The following CDYL2 variants were observed in gnomAD, a reference collection of about 807,000 sequenced individuals.
CDYL2 encodes the protein chromodomain Y-like protein 2.
CDYL2 carries 23 observed loss-of-function variants against 49.4 expected under a neutral mutation model. The ratio of observed to expected loss-of-function variants is 0.47; its 90% confidence interval spans 0.34 to 0.66. CDYL2 has a LOEUF of 0.66. Ranked by LOEUF, CDYL2 falls within the 30% of genes least tolerant of loss-of-function variation. The pLI is 0.01. For synonymous variants in CDYL2, 360 were observed against 268.8 expected (o/e 1.34, Z -3.32); for missense variants, 678 against 656.4 (o/e 1.03, Z -0.36).
intron 1 of CDYL2, among the ~76,000 whole-genome samples, chr16:80,799,064 G>T (rs913204697): frequency 1.3e-5 from 2 of 151,444 alleles, no homozygotes; most frequent in African/African-American, 2.4e-5. Flanking sequence ...AATAAAATAG[G>T]TTACAAAGAA....
intron 2 of CDYL2, among the ~76,000 whole-genome samples, chr16:80,671,253 G>A (rs528700156): frequency 6.6e-6 from 1 of 152,296 alleles, no homozygotes; most frequent in East Asian, 1.9e-4. Flanking sequence ...GTTTAAAGAG[G>A]GTGGTACAGA....
At chr16:80,620,317 C>T (rs907833775) in intron 4 of CDYL2, among the ~76,000 whole-genome samples, 2 of 152,160 alleles carry the variant, frequency 1.3e-5, no homozygotes, top group African/African-American at 4.8e-5. Flanking sequence ...CCCAGGGAAC[C>T]CCTCCATCAA....
At chr16:80,685,997 C>G (rs1458313393) in intron 1 of CDYL2, among the ~76,000 whole-genome samples, 1 of 152,216 alleles carries the variant, frequency 6.6e-6, no homozygotes, top group Admixed American at 6.5e-5. Flanking sequence ...TGCTGAGTAC[C>G]TACTATGCAC....
At chr16:80,639,858 T>G in intron 2 of CDYL2, 2 of 378,358 alleles carry the variant, frequency 5.3e-6, no homozygotes, top group Non-Finnish European at 1.0e-5. Flanking sequence ...TGTCCTGTTA[T>G]AGCAGAAAGC....
chr16:80,753,838 TA>T (rs1056837895), intron 1 of CDYL2, among the ~76,000 whole-genome samples: 1 of 152,128 alleles, frequency 6.6e-6, no homozygotes, highest in Non-Finnish European at 1.5e-5. Flanking sequence ...ATTAAAAGAA[TA>T]AAAAAAGACA....
In CDYL2 at chr16:80,633,038, T is replaced by C. The variant is rs762047020; in HGVS notation, c.815A>G (p.Asn272Ser). The C allele has an allele frequency of 6.2e-7, 1 of 1,614,026 alleles. No homozygotes were observed. The highest frequency in any genetic ancestry group is 8.5e-7 in the Non-Finnish European group (1 of 1,179,984). Residue 272 changes from asparagine (N) to serine (S), a missense_variant, in exon 3 of 7, where the codon AAC becomes AGC. Asn to Ser is a conservative substitution (Grantham distance 46). Coordinates refer to ENST00000570137, the MANE Select transcript of CDYL2 (RefSeq NM_152342.4). ...CCTTACCTCAGGTGTCAGGGCATTG[T>C]TATCCGAGGTCTGACTGGACAGCAG... ...HILLSSQTSD[N>S]NALTPEIMKE...
intron 2 of CDYL2, among the ~76,000 whole-genome samples, chr16:80,682,162 C>T (rs1367001398): frequency 6.6e-6 from 1 of 152,144 alleles, no homozygotes; most frequent in African/African-American, 2.4e-5. Context: ...GTGCCTTAAC[C>T]TTACGGGCAC....
intron 1 of CDYL2, among the ~76,000 whole-genome samples, chr16:80,699,912 G>A (rs1184369610): frequency 6.7e-6 from 1 of 149,728 alleles, no homozygotes; most frequent in African/African-American, 2.5e-5. Context: ...CTGTCGCCCA[G>A]GCCGGAGTGC....
Position 80,804,183 on chromosome 16 carries a change from C to T in CDYL2, c.-10G>A, listed in dbSNP as rs1426460358. 7.6e-7 allele frequency: 1 copy of T among 1,323,344 alleles called. No homozygotes were observed. The highest frequency in any genetic ancestry group is 9.9e-7 in the Non-Finnish European group (1 of 1,008,002). 82.0% of individuals were successfully genotyped at this position (1,323,344 alleles called of 1,614,324 possible). A position where few individuals can be genotyped will look rare whatever the true frequency, so the allele number is the denominator to read the frequency against. ...GGTCCCCAGAAGCCATGCCAGGCTG[C>T]GGAACTTGGCTCGCCGGTGTGCGCG... On this transcript the variant is annotated 5_prime_UTR_variant, in exon 1 of 7. Transcript: ENST00000570137.
At chr16:80,712,087 GTGTATATATA>G (rs1165967408) in intron 1 of CDYL2, among the ~76,000 whole-genome samples, 3 of 149,030 alleles carry the variant, frequency 2.0e-5, no homozygotes, top group Non-Finnish European at 4.5e-5. Flanking sequence ...ATAGATGTGT[GTGTATATATA>G]TGTGTATATA....
intron 1 of CDYL2, chr16:80,742,183 T>C (rs1905760661): frequency 6.6e-6 from 1 of 152,218 alleles, no homozygotes; most frequent in African/African-American, 2.4e-5. Context: ...CCAGGCAGTG[T>C]GCCTACCTAG....
At chr16:80,696,049 C>G (rs574137462) in intron 1 of CDYL2, among the ~76,000 whole-genome samples, 2 of 152,318 alleles carry the variant, frequency 1.3e-5, no homozygotes, top group South Asian at 2.1e-4. Context: ...TATCAATTAT[C>G]TTTTCTGACC....
intron 1 of CDYL2, among the ~76,000 whole-genome samples, chr16:80,780,740 G>C (rs948933426): frequency 6.6e-6 from 1 of 152,050 alleles, no homozygotes; most frequent in Non-Finnish European, 1.5e-5. Flanking sequence ...TGACAAAATT[G>C]TCCACATCAT....
chr16:80,716,047 C>A (rs913583908), intron 1 of CDYL2, among the ~76,000 whole-genome samples: 1 of 152,236 alleles, frequency 6.6e-6, no homozygotes, highest in Non-Finnish European at 1.5e-5. Context: ...GATAATCATT[C>A]CTCCTTCATG....
chr16:80,792,011 G>A (rs1489747947), intron 1 of CDYL2, among the ~76,000 whole-genome samples: 1 of 152,164 alleles, frequency 6.6e-6, no homozygotes, highest in African/African-American at 2.4e-5. Context: ...GAAATATGCA[G>A]GATGCTGATT....
intron 1 of CDYL2, among the ~76,000 whole-genome samples, chr16:80,744,921 C>T (rs1306555944): frequency 6.6e-6 from 1 of 152,186 alleles, no homozygotes; most frequent in Non-Finnish European, 1.5e-5. Context: ...TGCCACTGAG[C>T]CACCTGTCTC....
intron 1 of CDYL2, among the ~76,000 whole-genome samples, chr16:80,731,759 G>C (rs1905333323): frequency 2.0e-5 from 3 of 152,148 alleles, no homozygotes; most frequent in Admixed American, 2.0e-4. Context: ...GGGAAAGCAG[G>C]ATGAAGACAT....
intron 1 of CDYL2, among the ~76,000 whole-genome samples, chr16:80,802,486 A>G (rs1052654193): frequency 6.6e-6 from 1 of 152,240 alleles, no homozygotes; most frequent in Non-Finnish European, 1.5e-5. Flanking sequence ...CTTGAAACAG[A>G]CCAAGGCGCT....
At chr16:80,684,498 A>G in intron 2 of CDYL2, 40 bp downstream of exon 2, 1 of 1,575,762 alleles carries the variant, frequency 6.3e-7, no homozygotes, top group Non-Finnish European at 8.6e-7. Context: ...CCCTTTCGCC[A>G]TGGCCAGAGC....
Sources: allele counts gnomAD v4.1 joint callset (sites outside exome capture counted in the v4.1 genomes callset), GRCh38; gene constraint gnomAD v4.1.1; transcripts MANE v1.5; gene names NCBI Gene and HGNC (gene_info 2026-07-23, HGNC 2026-07-21).